Variants in METTL6 observed in about 807,000 individuals in gnomAD.
METTL6 encodes the protein tRNA N(3)-cytidine methyltransferase METTL6.
Under a neutral mutation model 26.4 loss-of-function variants are expected in METTL6, and 22 were observed. The ratio of observed to expected loss-of-function variants is 0.83; its 90% CI spans 0.59 to 1.19. The LOEUF is 1.19. Among genes scored for constraint, METTL6 ranks in the 50% most tolerant of loss-of-function variants. The pLI is 0.00. For missense variants in METTL6, 304 were observed against 324.8 expected, an observed-to-expected ratio of 0.94 and a Z score of 0.49; for synonymous variants, 109 against 116.2, an observed-to-expected ratio of 0.94 and a Z score of 0.40.
At chr3:15,404,028 A>G (rs1319897746) in intron 6 of METTL6, among the ~76,000 whole-genome samples, 1 of 151,988 alleles carries the variant, frequency 6.6e-6, no homozygotes, top group African/African-American at 2.4e-5. Context: ...CTTTATTACA[A>G]CCTGCTTTAT....
intron 6 of METTL6, among the ~76,000 whole-genome samples, chr3:15,401,960 T>C (rs1699659032): frequency 6.6e-6 from 1 of 152,252 alleles, no homozygotes; most frequent in Non-Finnish European, 1.5e-5. Context: ...TTTACTTCTC[T>C]AATAAACTTG....
exon 7 of METTL6, chr3:15,382,729 C>T (rs980188313): frequency 1.3e-5 from 2 of 151,486 alleles, no homozygotes; most frequent in East Asian, 1.9e-4. Flanking sequence ...CTGGAAACCC[C>T]ACGAAAATGA....
intron 6 of METTL6, among the ~76,000 whole-genome samples, chr3:15,397,313 G>A (rs977981708): frequency 3.3e-5 from 5 of 152,196 alleles, no homozygotes; most frequent in African/African-American, 7.2e-5. Flanking sequence ...CTGGTGTGCC[G>A]TTTGCTAAGA....
In METTL6 at chr3:15,426,272, G is replaced by A. The variant is rs760978562; in HGVS notation, c.225+15C>T. 6.8e-6 allele frequency: 11 copies of A among 1,608,162 alleles called. No homozygotes were observed. Among genetic ancestry groups the A allele is most frequent in the East Asian group, 4.5e-5 (2 of 44,844 alleles). On this transcript the variant is annotated intron_variant, in intron 2 of 5. Transcript: ENST00000383790. ...AAATGAAGAACAGCTCAGATAAGGCGTAATATTAGCTTACCTCTCTACATG... is the reference window on the plus strand; with the variant it reads ...AAATGAAGAACAGCTCAGATAAGGCATAATATTAGCTTACCTCTCTACATG...
chr3:15,424,193 A>C (rs1318031612), intron 3 of METTL6, among the ~76,000 whole-genome samples: 1 of 152,224 alleles, frequency 6.6e-6, no homozygotes, highest in African/African-American at 2.4e-5. Context: ...GTAAAAAATA[A>C]AACTAAAAGA....
chr3:15,386,201 G>A (rs1002759743), intron 6 of METTL6, among the ~76,000 whole-genome samples: 3 of 152,202 alleles, frequency 2.0e-5, no homozygotes, highest in African/African-American at 7.2e-5. Context: ...TCCAGGCACT[G>A]CCATGGCATT....
intron 6 of METTL6, among the ~76,000 whole-genome samples, chr3:15,403,481 A>G (rs761979165): frequency 6.6e-6 from 1 of 152,216 alleles, no homozygotes; most frequent in Non-Finnish European, 1.5e-5. Flanking sequence ...TAATGCCTCC[A>G]CTGTGAAAAT....
chr3:15,427,052 G>C (rs2061741166), intron 1 of METTL6, among the ~76,000 whole-genome samples: 1 of 152,132 alleles, frequency 6.6e-6, no homozygotes, highest in Admixed American at 6.5e-5. Flanking sequence ...CCCAAGGGTC[G>C]GACCTCCGTT....
chr3:15,421,211 C>T (rs1042808590), intron 3 of METTL6, among the ~76,000 whole-genome samples: 2 of 152,114 alleles, frequency 1.3e-5, no homozygotes, highest in Non-Finnish European at 2.9e-5. Context: ...TTTTGCAACA[C>T]CTAAGCTTCA....
chr3:15,382,088 C>T (rs990288960), exon 7 of METTL6: 1 of 149,728 alleles, frequency 6.7e-6, no homozygotes, highest in Non-Finnish European at 1.5e-5. Flanking sequence ...TCTCACTCTG[C>T]TGCCCAGGCT....
chr3:15,419,538 G>A (rs1433991424), intron 3 of METTL6, among the ~76,000 whole-genome samples: 1 of 152,030 alleles, frequency 6.6e-6, no homozygotes, highest in Non-Finnish European at 1.5e-5. Flanking sequence ...AAAATATGGA[G>A]GCATTATTTT....
chr3:15,388,595 G>A (rs768597514), intron 6 of METTL6, among the ~76,000 whole-genome samples: 5 of 152,156 alleles, frequency 3.3e-5, no homozygotes, highest in Non-Finnish European at 7.4e-5. Flanking sequence ...GGTGCCAGTT[G>A]ATCCATCAAG....
intron 3 of METTL6, among the ~76,000 whole-genome samples, chr3:15,417,645 C>T (rs73142301): frequency 0.1 from 15,313 of 151,628 alleles, 812 homozygotes; most frequent in East Asian, 0.19. Flanking sequence ...TATATATAAA[C>T]AGGAATTTTG....
At chr3:15,425,152 C>T (rs2061689892) in intron 2 of METTL6, 63 bp from the exon 3 acceptor site, 8 of 1,582,702 alleles carry the variant, frequency 5.1e-6, no homozygotes, top group Non-Finnish European at 6.9e-6. Flanking sequence ...ATAAACCAAA[C>T]TAAAAGGTCC....
chr3:15,426,181 C>T (rs528366172), intron 2 of METTL6, 106 bp downstream of exon 2: 4 of 1,053,826 alleles, frequency 3.8e-6, no homozygotes, highest in East Asian at 2.4e-5. Context: ...CTTCGTGATC[C>T]GCCTGCCTTG....
intron 3 of METTL6, among the ~76,000 whole-genome samples, chr3:15,417,875 C>T (rs1472208193): frequency 2.0e-5 from 3 of 152,122 alleles, no homozygotes; most frequent in African/African-American, 7.2e-5. Flanking sequence ...TCTCCCACAC[C>T]CCACCATCGA....
chr3:15,405,917 G>C (rs1324372331), downstream of METTL6, among the ~76,000 whole-genome samples: 1 of 151,948 alleles, frequency 6.6e-6, no homozygotes, highest in African/African-American at 2.4e-5. Flanking sequence ...GTTTGTACTG[G>C]GTAAGTCCTG....
chr3:15,389,527 C>T (rs1699286517), intron 6 of METTL6, among the ~76,000 whole-genome samples: 1 of 152,136 alleles, frequency 6.6e-6, no homozygotes, highest in South Asian at 2.1e-4. Context: ...CTTGCCTGTA[C>T]TCCTCCAGAA....
At chr3:15,414,271 T>C (rs1314241349) in intron 4 of METTL6, 109 bp from the exon 5 acceptor site, 1 of 1,490,540 alleles carries the variant, frequency 6.7e-7, no homozygotes, top group East Asian at 2.3e-5. Context: ...GGGGACAGAC[T>C]GAAATGCCCA....
Sources: gnomAD v4.1 joint callset for allele counts (sites outside exome capture counted in the v4.1 genomes callset) on GRCh38, gnomAD v4.1.1 for gene constraint, MANE v1.5 for transcripts, NCBI Gene and HGNC (gene_info 2026-07-23, HGNC 2026-07-21) for gene names.